Variants in TTN observed in about 807,000 individuals in gnomAD.
The protein encoded by TTN is connectin.
A neutral mutation model predicts 3,223.0 loss-of-function variants in TTN; 1,525 were observed. The ratio of observed to expected loss-of-function variants is 0.47; its 90% CI spans 0.45 to 0.49. TTN has a LOEUF of 0.49. Ranked by LOEUF, TTN falls within the 20% of genes least tolerant of loss-of-function variation. The pLI is 0.00. For missense variants in TTN, 40,786 were observed against 43,424.0 expected, an observed-to-expected ratio of 0.94 and a Z score of 5.40; for synonymous variants, 14,094 against 15,161.0, an observed-to-expected ratio of 0.93 and a Z score of 5.17.
chr2:178,675,804 A>C (rs1382367144), intron 148 of TTN, 50 bp from the exon 149 acceptor site: 1 of 1,520,290 alleles, frequency 6.6e-7, no homozygotes, highest in East Asian at 2.5e-5. Flanking sequence ...ACACACAAAG[A>C]CAAGTAGACA....
rs747784796 is a variant in TTN at position 178,725,797 on chromosome 2, T to A, written c.20525A>T (p.Asp6842Val). 3 of 1,607,096 alleles carry A rather than the reference T, an allele frequency of 1.9e-6. No individual in the cohort carries two copies. In the South Asian group the frequency reaches 3.3e-5, roughly 18 times the overall value. The change falls in exon 70 of 363, where the codon GAT becomes GTT. Residue 6842 changes from aspartate (D) to valine (V), a missense_variant. By Grantham distance (152) the Asp-to-Val change is radical. Coordinates refer to ENST00000589042, the MANE Select transcript of TTN (RefSeq NM_001267550.2). ...HCKAQNEVGS[D>V]TCVCTVKLKE... ...CAATTTTACAGTACAAACACAAGTA[T>A]CACTTCCCACTTCATTCTGTGCTTT...
Position 178,756,593 on chromosome 2 carries a change from T to C in TTN, c.10883A>G (p.Gln3628Arg). The C allele has an allele frequency of 3.1e-6, 5 of 1,613,146 alleles. No homozygotes were observed. Among genetic ancestry groups the C allele is most frequent in the Non-Finnish European group, 4.2e-6 (5 of 1,179,428 alleles). ...QSSIHTAASVQDTQLCHTASL... is the reference protein window; with the variant it reads ...QSSIHTAASVRDTQLCHTASL... ...TGCAGTATGGCACAACTGTGTATCT[T>C]GAACAGATGCAGCTGTGTGGATGGA... Residue 3628 changes from glutamine to arginine, a missense_variant, in exon 46 of 363, where the codon CAA (glutamine) becomes CGA (arginine). Transcript: ENST00000589042.
At chr2:178,737,666 T>C (rs775665654) in intron 49 of TTN, among the ~76,000 whole-genome samples, 1 of 152,320 alleles carries the variant, frequency 6.6e-6, no homozygotes, top group East Asian at 1.9e-4. Flanking sequence ...ACTAGCTCCC[T>C]GTCTTACATT....
Position 178,605,561 on chromosome 2 carries a change from C to G in TTN, c.53734G>C (p.Val17912Leu). Residue 17912 changes from valine to leucine, a missense_variant, in exon 279 of 363, where the codon GTT becomes CTT. Transcript: ENST00000589042. ...RRHDKPDFER[V>L]NKRLCPTTSF... ...GTGGTTGGGCAGAGTCGCTTGTTAA[C>G]TCTTTCAAAGTCAGGTTTGTCATGA... 1 of 1,554,540 alleles carries G rather than the reference C, an allele frequency of 6.4e-7. No individual in the cohort carries two copies. Among genetic ancestry groups the G allele is most frequent in the Non-Finnish European group, 8.7e-7 (1 of 1,144,452 alleles).
Position 178,624,694 on chromosome 2 carries a change from C to G in TTN, c.44586G>C (p.Gln14862His). ...PVEFTKPLED[Q>H]TVEEGATAVL... ...CTGCAGTGGCTCCCTCTTCGACCGTCTGGTCCTCAAGAGGCTTAGTGAATT... is the reference window on the plus strand; with the variant it reads ...CTGCAGTGGCTCCCTCTTCGACCGTGTGGTCCTCAAGAGGCTTAGTGAATT... The change falls in exon 242 of 363, where the codon CAG becomes CAC. Residue 14862 changes from glutamine (Q) to histidine (H), a missense_variant. By Grantham distance (24) the Gln-to-His change is conservative. Transcript: ENST00000589042. 6.2e-7 allele frequency: 1 copy of G among 1,612,412 alleles called. No individual in the cohort carries two copies. Among genetic ancestry groups the G allele is most frequent in the African/African-American group, 1.3e-5 (1 of 74,926 alleles).
rs878886394 is a variant in TTN at position 178,552,999 on chromosome 2, A to G, written c.89901T>C (p.Asn29967=). 9 of 1,611,812 alleles carry G rather than the reference A, an allele frequency of 5.6e-6. No individual in the cohort carries two copies. The highest frequency in any genetic ancestry group is 6.8e-6 in the Non-Finnish European group (8 of 1,179,770). ...TGGCATCTCTCTTTTCAATGACATA[A>G]TTAATTATTGGAGATCCTCCATCAA... ...PLIDGGSPII[N]YVIEKRDATK... The change falls in exon 335 of 363, where the codon AAT becomes AAC. Residue 29967 remains asparagine (N), a synonymous_variant. Coordinates refer to ENST00000589042, the MANE Select transcript of TTN (RefSeq NM_001267550.2).
intron 218 of TTN, among the ~76,000 whole-genome samples, chr2:178,643,044 G>C (rs987810917): frequency 6.6e-6 from 1 of 151,920 alleles, no homozygotes; most frequent in African/African-American, 2.4e-5. Flanking sequence ...ATTTTATAGA[G>C]CAGCCTCTTT....
chr2:178,624,368 T>G, intron 242 of TTN, 97 bp downstream of exon 242: 1 of 1,513,900 alleles, frequency 6.6e-7, no homozygotes, highest in Non-Finnish European at 9.1e-7. Flanking sequence ...GAAATGCAGT[T>G]AGGCCAAGAA....
At position 178,618,747 on chromosome 2, in the gene TTN, C is replaced by A; in HGVS notation, c.46803G>T (p.Trp15601Cys). The A allele has an allele frequency of 6.2e-7, 1 of 1,611,740 alleles. No individual in the cohort carries two copies. Among genetic ancestry groups the A allele is most frequent in the Non-Finnish European group, 8.5e-7 (1 of 1,178,750 alleles). The stretch of plus-strand genomic sequence containing the variant: ...TAGATAAAGGTTCATTTTCTTTAAA[C>A]CATTCAGCTTCTGCTTTGGGGTAGG... ...YDAYPKAEAE[W>C]FKENEPLSTK... Residue 15601 changes from tryptophan to cysteine, a missense_variant, in exon 251 of 363, where the codon TGG becomes TGT. Physicochemically the swap from Trp to Cys is radical, Grantham distance 215. Coordinates refer to ENST00000589042, the MANE Select transcript of TTN (RefSeq NM_001267550.2).
chr2:178,621,403 A>G (rs199771112), intron 245 of TTN, 35 bp from the exon 246 acceptor site: 1 of 1,607,010 alleles, frequency 6.2e-7, no homozygotes, highest in African/African-American at 1.3e-5. Context: ...TTAGAAACAT[A>G]TGTCTTTGTA....
At position 178,534,458 on chromosome 2, in the gene TTN, A is replaced by G. The variant is rs756062021; in HGVS notation, c.102157T>C (p.Leu34053=). The G allele has an allele frequency of 1.2e-6, 2 of 1,613,324 alleles. No homozygotes were observed. Among genetic ancestry groups the G allele is most frequent in the Non-Finnish European group, 1.7e-6 (2 of 1,179,800 alleles). Residue 34053 remains leucine (L), a synonymous_variant, in exon 358 of 363, where the codon TTG becomes CTG. Coordinates refer to ENST00000589042, the MANE Select transcript of TTN (RefSeq NM_001267550.2). ...CGAGATTTCCTCTCTTTCACTAACA[A>G]CCGGTCAACAAAATCCATGGCTTCA... ...SIEAMDFVDR[L]LVKERKSRMT...
At position 178,776,327 on chromosome 2, in the gene TTN, T is replaced by C. The variant is rs746592442; in HGVS notation, c.5537A>G (p.Tyr1846Cys). Residue 1846 changes from tyrosine to cysteine, a missense_variant, in exon 28 of 363, where the codon TAC (tyrosine) becomes TGC (cysteine). By Grantham distance (194) the Tyr-to-Cys change is radical (BLOSUM62 -2). Transcript: ENST00000589042. ...KEKQKPDIVL[Y>C]PEPVRVLEGE... ...TTCAAGTACTCTAACTGGCTCTGGG[T>C]ACAAGACAATGTCTGGCTTTTGCTT... The C allele has an allele frequency of 6.2e-7, 1 of 1,613,996 alleles. No individual in the cohort carries two copies. Among genetic ancestry groups the C allele is most frequent in the African/African-American group, 1.3e-5 (1 of 75,050 alleles).
chr2:178,608,671 G>T lies in TTN; in HGVS notation c.52340C>A (p.Ala17447Asp). The T allele has an allele frequency of 5.0e-6, 8 of 1,612,088 alleles. No homozygotes were observed. The highest frequency in any genetic ancestry group is 6.8e-6 in the Non-Finnish European group (8 of 1,178,968). Residue 17447 changes from alanine (A) to aspartate (D), a missense_variant, in exon 274 of 363, where the codon GCT (alanine) becomes GAT (aspartate). Physicochemically the swap from Ala to Asp is moderately radical, Grantham distance 126. Coordinates refer to ENST00000589042, the MANE Select transcript of TTN (RefSeq NM_001267550.2). ...TGGACCTGGCCCAAATCTGTTTTCA[G>T]CTCTTACACGGAAGAGGTACTCTTT... ...EGKEYLFRVR[A>D]ENRFGPGPPC...
rs748139282 is a variant in TTN at position 178,558,477 on chromosome 2, C to T, written c.86982G>A (p.Val28994=). The change falls in exon 327 of 363, where the codon GTG becomes GTA. Residue 28994 remains valine, a synonymous_variant. Transcript: ENST00000589042. The stretch of plus-strand genomic sequence containing the variant: ...AAACAACGTGATGGGTTGACTTTGC[C>T]ACTGCACATTTAACCCAGTTTTTCT... ...KGQKNWVKCA[V]AKSTHHVVSG... 10 of 1,613,802 alleles carry T rather than the reference C, an allele frequency of 6.2e-6. No individual in the cohort carries two copies. The highest frequency in any genetic ancestry group is 1.7e-5 in the Admixed American group (1 of 59,998).
At position 178,588,910 on chromosome 2, in the gene TTN, G is replaced by C. The variant is rs369694001; in HGVS notation, c.62815C>G (p.Arg20939Gly). 2 of 1,612,782 alleles carry C rather than the reference G, an allele frequency of 1.2e-6. No homozygotes were observed. The highest frequency in any genetic ancestry group is 1.7e-6 in the Non-Finnish European group (2 of 1,179,468). Reference protein sequence around the residue: ...IEGNEYIFRVRAENKIGTGPP... With the variant: ...IEGNEYIFRVGAENKIGTGPP... ...CCTGTGCCTATTTTATTTTCTGCAC[G>C]GACTCTGAAAATATATTCATTTCCT... is the stretch of plus-strand genomic sequence containing the variant. Residue 20939 changes from arginine to glycine, a missense_variant, in exon 304 of 363, where the codon CGT becomes GGT. By Grantham distance (125) the Arg-to-Gly change is moderately radical. Coordinates refer to ENST00000589042, the MANE Select transcript of TTN (RefSeq NM_001267550.2).
At position 178,618,784 on chromosome 2, in the gene TTN, A is replaced by G. The variant is rs760270288; in HGVS notation, c.46766T>C (p.Val15589Ala). The G allele has an allele frequency of 1.9e-6, 3 of 1,611,448 alleles. No individual in the cohort carries two copies. The highest frequency in any genetic ancestry group is 2.5e-6 in the Non-Finnish European group (3 of 1,178,756). The change falls in exon 251 of 363, where the codon GTG becomes GCG. Residue 15589 changes from valine to alanine, a missense_variant. Val to Ala is a moderately conservative substitution (Grantham distance 64). Coordinates refer to ENST00000589042, the MANE Select transcript of TTN (RefSeq NM_001267550.2). ...VDVGKPLTMV[V>A]PYDAYPKAEA... ...TGCTTTGGGGTAGGCATCATATGGC[A>G]CCACCATTGTCAGAGGCTTGCCAAC...
rs759982252 is a variant in TTN at position 178,545,573 on chromosome 2, T to C, written c.95537A>G (p.Lys31846Arg). 7 of 1,613,648 alleles carry C rather than the reference T, an allele frequency of 4.3e-6. No homozygotes were observed. The African/African-American group carries it at 9.3e-5, about 22-fold the overall frequency. The part of the protein sequence containing the change: ...GNEISNYLVD[K>R]REKKSLRWTR... ...CCAGCGCAGGCTCTTCTTCTCACGT[T>C]TGTCTACTAGGTAGTTGCTGATTTC... The change falls in exon 344 of 363, where the codon AAA (lysine) becomes AGA (arginine). Residue 31846 changes from lysine (K) to arginine (R), a missense_variant. Transcript: ENST00000589042.
At chr2:178,540,906 T>C (rs1384066110) in intron 350 of TTN, among the ~76,000 whole-genome samples, 1 of 152,248 alleles carries the variant, frequency 6.6e-6, no homozygotes, top group Non-Finnish European at 1.5e-5. Context: ...GCTTCATTTG[T>C]AATCACTATT....
At position 178,588,158 on chromosome 2, in the gene TTN, A is replaced by T. The variant is rs748687094; in HGVS notation, c.63249T>A (p.Leu21083=). 6.2e-7 allele frequency: 1 copy of T among 1,608,772 alleles called. No individual in the cohort carries two copies. Among genetic ancestry groups the T allele is most frequent in the South Asian group, 1.1e-5 (1 of 90,704 alleles). Residue 21083 remains leucine, a synonymous_variant, in exon 305 of 363, where the codon CTT becomes CTA. Transcript: ENST00000589042. ...VVDTTKHSIT[L]GWGKPVYDGG... The stretch of plus-strand genomic sequence containing the variant: ...CATCATAGACTGGTTTTCCCCACCC[A>T]AGAGTTATGGAATGTTTGGTTGTAT...
Sources: gnomAD v4.1 joint callset for allele counts (sites outside exome capture counted in the v4.1 genomes callset) on GRCh38, gnomAD v4.1.1 for gene constraint, MANE v1.5 for transcripts, NCBI Gene and HGNC (gene_info 2026-07-23, HGNC 2026-07-21) for gene names.